Variants in UNC5D observed in about 807,000 individuals in gnomAD.
The protein encoded by UNC5D is unc-5 netrin receptor D.
Under a neutral mutation model 105.4 loss-of-function variants are expected in UNC5D, and 39 were observed. That is an observed-to-expected ratio of 0.37 (90% CI 0.29 to 0.48). The LOEUF is 0.48. Among genes scored for constraint, UNC5D ranks in the 20% least tolerant of loss-of-function variants. The probability of loss-of-function intolerance (pLI) is 0.98; values close to 1 mark genes in which losing one functional copy is unlikely to be tolerated. For missense variants in UNC5D, 991 were observed against 1,202.4 expected (o/e 0.82, Z 2.60); for synonymous variants, 452 against 450.4 (o/e 1.00, Z -0.04).
At chr8:35,584,392 GTTTGTTTTGT>G (rs527409410) in intron 3 of UNC5D, among the ~76,000 whole-genome samples, 46 of 151,428 alleles carry the variant, frequency 3.0e-4, no homozygotes, top group East Asian at 2.7e-3. Context: ...TTTTTTGTTT[GTTTGTTTTGT>G]TTTGTTTTGT....
intron 1 of UNC5D, among the ~76,000 whole-genome samples, chr8:35,282,883 G>A (rs1409109037): frequency 6.6e-6 from 1 of 152,078 alleles, no homozygotes; most frequent in African/African-American, 2.4e-5. Flanking sequence ...AATTTAGAGT[G>A]AAGTACTTTA....
chr8:35,649,495 C>T (rs1034325317), intron 4 of UNC5D, among the ~76,000 whole-genome samples: 2 of 152,172 alleles, frequency 1.3e-5, no homozygotes, highest in Non-Finnish European at 2.9e-5. Context: ...ATGTAGAAGT[C>T]TGGACTCTAA....
chr8:35,632,038 G>A (rs149527096), intron 4 of UNC5D, among the ~76,000 whole-genome samples: 2 of 152,252 alleles, frequency 1.3e-5, no homozygotes, highest in Non-Finnish European at 2.9e-5. Flanking sequence ...CTGTCCAACA[G>A]GCTCATCACA....
At chr8:35,479,394 G>T (rs953922752) in intron 1 of UNC5D, among the ~76,000 whole-genome samples, 1 of 152,026 alleles carries the variant, frequency 6.6e-6, no homozygotes, top group Non-Finnish European at 1.5e-5. Context: ...TCTATATAAA[G>T]GTTTCTCAAC....
intron 4 of UNC5D, among the ~76,000 whole-genome samples, chr8:35,657,076 GTGTGTATATATATATATATATATATATA>G (rs1823799114): frequency 1.1e-5 from 1 of 94,438 alleles, no homozygotes; most frequent in African/African-American, 5.2e-5. Flanking sequence ...GTGTGTGTGT[GTGTGTATATATATATATATATATATATA>G]TATATATATA....
intron 4 of UNC5D, among the ~76,000 whole-genome samples, chr8:35,668,678 T>G (rs1370056747): frequency 6.6e-6 from 1 of 152,068 alleles, no homozygotes; most frequent in Non-Finnish European, 1.5e-5. Context: ...TCTGGAGAAG[T>G]TTTAGTGAAT....
intron 1 of UNC5D, chr8:35,254,491 A>T (rs1028199233): frequency 6.6e-6 from 1 of 152,214 alleles, no homozygotes; most frequent in African/African-American, 2.4e-5. Flanking sequence ...ATGCTAGAAA[A>T]GTTGAAGAGA....
intron 8 of UNC5D, among the ~76,000 whole-genome samples, chr8:35,711,048 C>T (rs1827926458): frequency 7.8e-6 from 1 of 128,142 alleles, no homozygotes; most frequent in Non-Finnish European, 1.5e-5. Flanking sequence ...ACGCCATTCT[C>T]CTGCCTCAGC....
chr8:35,774,579 T>A (rs1015498499), intron 16 of UNC5D, 102 bp downstream of exon 16: 1 of 1,401,376 alleles, frequency 7.1e-7, no homozygotes, highest in African/African-American at 1.4e-5. Flanking sequence ...AATATTTTTA[T>A]GAGTTCCTCT....
chr8:35,613,637 C>T (rs1040851241), intron 4 of UNC5D, among the ~76,000 whole-genome samples: 3 of 152,054 alleles, frequency 2.0e-5, no homozygotes, highest in Non-Finnish European at 4.4e-5. Flanking sequence ...TCACTTGAGG[C>T]CAGGAGTACA....
chr8:35,442,042 T>G (rs1807440504), intron 1 of UNC5D, among the ~76,000 whole-genome samples: 1 of 152,008 alleles, frequency 6.6e-6, no homozygotes, highest in African/African-American at 2.4e-5. Flanking sequence ...GTACAACCTG[T>G]ACAGCTGATG....
intron 11 of UNC5D, among the ~76,000 whole-genome samples, chr8:35,734,033 T>C (rs1308937014): frequency 6.6e-6 from 1 of 152,086 alleles, no homozygotes; most frequent in African/African-American, 2.4e-5. Flanking sequence ...GAACATTGCA[T>C]TCAACAGTGT....
intron 3 of UNC5D, among the ~76,000 whole-genome samples, chr8:35,578,232 A>G (rs1818222787): frequency 6.7e-6 from 1 of 148,198 alleles, no homozygotes; most frequent in Admixed American, 6.7e-5. Context: ...TCTCAAAAAA[A>G]AAAAAAAAAA....
intron 1 of UNC5D, among the ~76,000 whole-genome samples, chr8:35,389,212 T>C (rs1803616808): frequency 6.6e-6 from 1 of 152,238 alleles, no homozygotes; most frequent in Non-Finnish European, 1.5e-5. Flanking sequence ...TCTGCTCTGA[T>C]GTCTAATGGA....
intron 1 of UNC5D, among the ~76,000 whole-genome samples, chr8:35,271,712 TTTA>T (rs1805390861): frequency 2.1e-5 from 1 of 46,900 alleles, no homozygotes; most frequent in South Asian, 6.1e-4. Flanking sequence ...TACATATATA[TTTA>T]TACATGTATA....
chr8:35,706,115 G>T lies in UNC5D; in HGVS notation c.1117+154G>T, dbSNP rs550719203. Among the ~76,000 whole-genome samples, 6 of 152,196 alleles carry T rather than the reference G, an allele frequency of 3.9e-5. No individual in the cohort carries two copies. In the South Asian group the frequency reaches 1.2e-3, roughly 32 times the overall value. On this transcript the variant is annotated intron_variant, in intron 8 of 16. Coordinates refer to ENST00000404895, the MANE Select transcript of UNC5D (RefSeq NM_080872.4). ...TTGAGTTCAGAGTCACATATCAGAGGTTTAAATCCAAAAGAAATATGCACA... is the reference window on the plus strand; with the variant it reads ...TTGAGTTCAGAGTCACATATCAGAGTTTTAAATCCAAAAGAAATATGCACA...
intron 1 of UNC5D, among the ~76,000 whole-genome samples, chr8:35,317,630 C>T (rs1018431887): frequency 1.3e-5 from 2 of 152,140 alleles, no homozygotes; most frequent in East Asian, 1.9e-4. Context: ...TATCGATCTG[C>T]GGTGTACACT....
At chr8:35,729,933 T>C (rs562815381) in intron 10 of UNC5D, among the ~76,000 whole-genome samples, 10 of 152,102 alleles carry the variant, frequency 6.6e-5, no homozygotes, top group Admixed American at 1.3e-4. Flanking sequence ...TGCAATAAGG[T>C]TTACGTTTTT....
At chr8:35,244,339 G>T (rs1281195963) in intron 1 of UNC5D, among the ~76,000 whole-genome samples, 1 of 152,168 alleles carries the variant, frequency 6.6e-6, no homozygotes, top group Non-Finnish European at 1.5e-5. Context: ...ATTATACTGA[G>T]GTGGGATGAT....
Sources: allele counts gnomAD v4.1 joint callset (sites outside exome capture counted in the v4.1 genomes callset), GRCh38; gene constraint gnomAD v4.1.1; transcripts MANE v1.5; gene names NCBI Gene and HGNC (gene_info 2026-07-23, HGNC 2026-07-21).